Variants in DPYD observed in about 807,000 individuals in gnomAD.
The protein encoded by DPYD is dihydropyrimidine dehydrogenase, also known as dihydropyrimidine dehydrogenase [NADP(+)].
Under a neutral mutation model 116.2 loss-of-function variants are expected in DPYD, and 109 were observed. That is an observed-to-expected ratio of 0.94 (90% CI 0.80 to 1.10). DPYD has a LOEUF of 1.10. DPYD is among the 50% of genes least tolerant of loss of function. DPYD has a pLI of 0.00. For synonymous variants in DPYD, 440 were observed against 432.0 expected, an observed-to-expected ratio of 1.02 and a Z score of -0.23; for missense variants, 1,302 against 1,254.5, an observed-to-expected ratio of 1.04 and a Z score of -0.57.
At chr1:97,183,350 T>C (rs1657776907) in intron 20 of DPYD, among the ~76,000 whole-genome samples, 1 of 152,148 alleles carries the variant, frequency 6.6e-6, no homozygotes. Context: ...GTACTATTTG[T>C]TGAAAGGGCT....
chr1:97,582,051 T>C (rs748057902), intron 10 of DPYD, among the ~76,000 whole-genome samples: 85 of 152,230 alleles, frequency 5.6e-4, no homozygotes, highest in South Asian at 1.0e-3. Flanking sequence ...GCATGGCGTA[T>C]CTGTTAGTTT....
intron 12 of DPYD, among the ~76,000 whole-genome samples, chr1:97,525,976 A>AGT (rs1491557954): frequency 0.013 from 974 of 73,756 alleles, 10 homozygotes; most frequent in Middle Eastern, 0.024. Flanking sequence ...TGGGTAATTA[A>AGT]GAGTGTGTGT....
chr1:97,259,205 A>G (rs1419183958), intron 18 of DPYD, among the ~76,000 whole-genome samples: 1 of 152,110 alleles, frequency 6.6e-6, no homozygotes, highest in Non-Finnish European at 1.5e-5. Flanking sequence ...CCTTATTTAT[A>G]AATAGGATCC....
chr1:97,203,664 C>CA (rs1254293008), intron 19 of DPYD, among the ~76,000 whole-genome samples: 2 of 24,844 alleles, frequency 8.1e-5, no homozygotes, highest in Non-Finnish European at 1.4e-4. Flanking sequence ...GAGTTCAGAC[C>CA]CCCCCCCCCC....
chr1:97,305,243 A>G lies in DPYD; in HGVS notation c.2299+16T>C. 6.2e-7 allele frequency: 1 copy of G among 1,612,004 alleles called. No individual in the cohort carries two copies. The highest frequency in any genetic ancestry group is 8.5e-7 in the Non-Finnish European group (1 of 1,178,560). On this transcript the variant is annotated intron_variant, in intron 18 of 22. Transcript: ENST00000370192. ...ACCTCCAAGAAAGCACAATGCAAGA[A>G]GTGGGCAACACCTACCAGACACTCC...
Position 97,728,943 on chromosome 1 carries a change from T to C in DPYD, c.322-7272A>G, listed in dbSNP as rs146338645. 2.1e-4 allele frequency among the ~76,000 whole-genome samples: 32 copies of C among 152,058 alleles called. No individual in the cohort carries two copies. The East Asian group carries it at 4.3e-3, about 20-fold the overall frequency. On this transcript the variant is annotated intron_variant, in intron 4 of 22. Coordinates refer to ENST00000370192, the MANE Select transcript of DPYD (RefSeq NM_000110.4). The stretch of plus-strand genomic sequence containing the variant: ...AAAATTCCTGCCCTCATCGTACTCA[T>C]ACTCTCAGAAAAAAAAAATGGAGAT...
At position 97,811,094 on chromosome 1, in the gene DPYD, T is replaced by C. The variant is rs1278102070; in HGVS notation, c.233+17020A>G. Among the ~76,000 whole-genome samples the C allele has an allele frequency of 3.3e-5, 5 of 152,298 alleles. No homozygotes were observed. The East Asian group carries it at 9.7e-4, about 29-fold the overall frequency. The stretch of plus-strand genomic sequence containing the variant: ...ACTTACCCTTCTTTCAGACTTCAGC[T>C]TGATTAACTCTTTGTTGAAGACTCC... On this transcript the variant is annotated intron_variant, in intron 3 of 22. Transcript: ENST00000370192.
chr1:97,452,808 T>C (rs1031190949), intron 13 of DPYD, among the ~76,000 whole-genome samples: 1 of 152,036 alleles, frequency 6.6e-6, no homozygotes, highest in Non-Finnish European at 1.5e-5. Flanking sequence ...TTGGAAGCTT[T>C]CTGAGGCCTC....
Position 97,383,051 on chromosome 1 carries a change from C to T in DPYD, c.1906-590G>A, listed in dbSNP as rs1348723340. On this transcript the variant is annotated intron_variant, in intron 14 of 22. Transcript: ENST00000370192. ...TGGAGACTGTATAGAGTAGTAATTACCAATGCCTCCTCTGAAACTAGGATG... is the reference window on the plus strand; with the variant it reads ...TGGAGACTGTATAGAGTAGTAATTATCAATGCCTCCTCTGAAACTAGGATG... 2.6e-5 allele frequency among the ~76,000 whole-genome samples: 4 copies of T among 152,084 alleles called. No homozygotes were observed. The East Asian group carries it at 7.7e-4, about 29-fold the overall frequency.
chr1:97,139,768 G>T (rs1256393248), intron 20 of DPYD, among the ~76,000 whole-genome samples: 1 of 152,152 alleles, frequency 6.6e-6, no homozygotes, highest in Admixed American at 6.5e-5. Context: ...TCTAAAGGTG[G>T]ATCAGGCAGG....
intron 16 of DPYD, 123 bp from the exon 17 acceptor site, chr1:97,306,420 T>C (rs1162327079): frequency 7.6e-7 from 1 of 1,309,946 alleles, no homozygotes; most frequent in Admixed American, 1.7e-5. Context: ...AGCTACATGA[T>C]ATATTTCTCA....
At chr1:97,870,150 A>G (rs563812697) in intron 2 of DPYD, among the ~76,000 whole-genome samples, 1 of 152,038 alleles carries the variant, frequency 6.6e-6, no homozygotes, top group Non-Finnish European at 1.5e-5. Flanking sequence ...GATAAATCAC[A>G]TGAAATATTC....
At chr1:97,584,294 T>C (rs1316791747) in intron 10 of DPYD, among the ~76,000 whole-genome samples, 3 of 152,236 alleles carry the variant, frequency 2.0e-5, no homozygotes, top group African/African-American at 4.8e-5. Flanking sequence ...GAGTTCATTG[T>C]AGATTCTGGA....
chr1:97,151,891 A>G (rs1454224315), intron 20 of DPYD, among the ~76,000 whole-genome samples: 1 of 152,198 alleles, frequency 6.6e-6, no homozygotes, highest in East Asian at 1.9e-4. Context: ...AGAAGAATTT[A>G]AAAATGGAAA....
intron 20 of DPYD, among the ~76,000 whole-genome samples, chr1:97,122,139 G>C (rs1557875509): frequency 6.6e-6 from 1 of 152,168 alleles, no homozygotes; most frequent in African/African-American, 2.4e-5. Context: ...GTAGCAATTA[G>C]CCTCATGTAG....
intron 2 of DPYD, among the ~76,000 whole-genome samples, chr1:97,844,093 G>C (rs548302307): frequency 2.0e-4 from 31 of 152,236 alleles, no homozygotes; most frequent in Non-Finnish European, 4.0e-4. Flanking sequence ...GAACTGCAAA[G>C]ACCCTAAAAG....
At chr1:97,893,734 T>C (rs1198454180) in intron 1 of DPYD, among the ~76,000 whole-genome samples, 1 of 151,664 alleles carries the variant, frequency 6.6e-6, no homozygotes, top group Non-Finnish European at 1.5e-5. Flanking sequence ...ATATCATGTC[T>C]ATTATGTCAC....
chr1:97,347,032 T>C (rs1293640691), intron 16 of DPYD, among the ~76,000 whole-genome samples: 1 of 151,782 alleles, frequency 6.6e-6, no homozygotes, highest in East Asian at 1.9e-4. Context: ...ATATTTTTTA[T>C]AGATTATCAG....
At chr1:97,378,724 G>T (rs770229990) in intron 15 of DPYD, among the ~76,000 whole-genome samples, 2 of 152,134 alleles carry the variant, frequency 1.3e-5, no homozygotes, top group South Asian at 4.1e-4. Flanking sequence ...AATATCTGCT[G>T]GTAAAGAAAG....
Sources: gnomAD v4.1 joint callset for allele counts (sites outside exome capture counted in the v4.1 genomes callset) on GRCh38, gnomAD v4.1.1 for gene constraint, MANE v1.5 for transcripts, NCBI Gene and HGNC (gene_info 2026-07-23, HGNC 2026-07-21) for gene names.